Variants in WWOX observed in about 807,000 individuals in gnomAD.
The protein encoded by WWOX is WW domain-containing oxidoreductase.
In WWOX, 69 loss-of-function variants were observed where a neutral mutation model predicts 46.2. The observed-to-expected ratio is 1.49, with a 90% confidence interval of 1.23 to 1.82. WWOX has a LOEUF of 1.82. Among genes scored for constraint, WWOX ranks in the 40% most tolerant of loss-of-function variants. The pLI is 0.00. For missense variants in WWOX, 919 were observed against 542.6 expected, an observed-to-expected ratio of 1.69 and a Z score of -6.89; for synonymous variants, 359 against 202.6, an observed-to-expected ratio of 1.77 and a Z score of -6.56.
intron 5 of WWOX, among the ~76,000 whole-genome samples, chr16:78,316,958 G>T (rs990378553): frequency 6.6e-6 from 1 of 152,176 alleles, no homozygotes; most frequent in Non-Finnish European, 1.5e-5. Flanking sequence ...CATCTAATAA[G>T]ACCTGGACAT....
At chr16:78,739,193 A>G (rs1413160928) in intron 8 of WWOX, among the ~76,000 whole-genome samples, 1 of 151,986 alleles carries the variant, frequency 6.6e-6, no homozygotes, top group Non-Finnish European at 1.5e-5. Context: ...TGGATTCTTA[A>G]GTACCCGGCT....
chr16:79,003,673 G>A (rs1195053127), intron 8 of WWOX, among the ~76,000 whole-genome samples: 3 of 152,250 alleles, frequency 2.0e-5, no homozygotes, highest in East Asian at 3.9e-4. Flanking sequence ...GGGCTCAGCT[G>A]GTCTCAGCTC....
chr16:78,910,440 G>C (rs1348599705), intron 8 of WWOX, among the ~76,000 whole-genome samples: 1 of 151,834 alleles, frequency 6.6e-6, no homozygotes, highest in Non-Finnish European at 1.5e-5. Flanking sequence ...CACTGCAGGA[G>C]AACCTTGTTC....
At chr16:79,085,532 A>G (rs1037394811) in intron 8 of WWOX, among the ~76,000 whole-genome samples, 4 of 152,160 alleles carry the variant, frequency 2.6e-5, no homozygotes, top group South Asian at 2.1e-4. Context: ...AATTTCCTAT[A>G]AAGAAAATTT....
chr16:79,098,607 C>G (rs914573766), intron 8 of WWOX, among the ~76,000 whole-genome samples: 2 of 152,148 alleles, frequency 1.3e-5, no homozygotes, highest in African/African-American at 4.8e-5. Context: ...TTAGCGTTTT[C>G]TTTTGTTAAA....
At chr16:78,467,397 G>C (rs1338421485) in intron 8 of WWOX, among the ~76,000 whole-genome samples, 1 of 151,972 alleles carries the variant, frequency 6.6e-6, no homozygotes, top group Non-Finnish European at 1.5e-5. Context: ...ATATGCTAGA[G>C]GTGAGGAATA....
intron 8 of WWOX, among the ~76,000 whole-genome samples, chr16:78,900,561 G>A (rs550090644): frequency 2.0e-5 from 3 of 152,130 alleles, no homozygotes; most frequent in South Asian, 2.1e-4. Flanking sequence ...TGGATATTTC[G>A]TGGCCTTCAG....
chr16:78,666,000 G>T (rs1421045998), intron 8 of WWOX, among the ~76,000 whole-genome samples: 1 of 151,898 alleles, frequency 6.6e-6, no homozygotes, highest in Non-Finnish European at 1.5e-5. Context: ...ACTGAGATGT[G>T]GGGGCCAGGC....
intron 7 of WWOX, among the ~76,000 whole-genome samples, chr16:78,427,843 G>A (rs539899848): frequency 1.3e-5 from 2 of 152,218 alleles, no homozygotes; most frequent in Admixed American, 1.3e-4. Flanking sequence ...TCTCACGCCT[G>A]TAATCCCAGC....
rs536668236 is a variant in WWOX at position 78,611,522 on chromosome 16, T to C, written c.1056+178770T>C. On this transcript the variant is annotated intron_variant, in intron 8 of 8. Transcript: ENST00000566780. ...CCCTCCTCCTTCCCACAGACACTTA[T>C]GGGAGGTACTGGCCAGCTCTGTATG... 1.7e-3 allele frequency among the ~76,000 whole-genome samples: 255 copies of C among 152,284 alleles called. 1 individual carries two copies. Among genetic ancestry groups the C allele is most frequent in the African/African-American group, 5.6e-3 (233 of 41,566 alleles).
chr16:78,615,296 G>A (rs1236956594), intron 8 of WWOX, among the ~76,000 whole-genome samples: 1 of 152,130 alleles, frequency 6.6e-6, no homozygotes, highest in Non-Finnish European at 1.5e-5. Flanking sequence ...TCCCCTAGGA[G>A]TTGGGCTGCC....
At chr16:78,497,121 G>C (rs1312244773) in intron 8 of WWOX, among the ~76,000 whole-genome samples, 2 of 152,222 alleles carry the variant, frequency 1.3e-5, no homozygotes, top group African/African-American at 4.8e-5. Context: ...AACAACAGAT[G>C]ACCTTCTGTT....
intron 5 of WWOX, among the ~76,000 whole-genome samples, chr16:78,358,511 A>T (rs896882916): frequency 6.6e-6 from 1 of 152,142 alleles, no homozygotes; most frequent in African/African-American, 2.4e-5. Context: ...TACAAAAATT[A>T]GCTGGGTGTG....
At chr16:78,830,247 G>C (rs934079913) in intron 8 of WWOX, among the ~76,000 whole-genome samples, 12 of 152,184 alleles carry the variant, frequency 7.9e-5, no homozygotes, top group Admixed American at 2.0e-4. Context: ...GCATCTGAAT[G>C]ATATTTATAT....
Position 78,149,553 on chromosome 16 carries a change from A to G in WWOX, c.410-14630A>G, listed in dbSNP as rs566432118. On this transcript the variant is annotated intron_variant, in intron 4 of 8. Transcript: ENST00000566780. ...TAATACAGTAGCTGAAGAGACCTCA[A>G]TTCTGTGCCTTGATGGGATTACACC... 4.8e-4 allele frequency among the ~76,000 whole-genome samples: 73 copies of G among 152,346 alleles called. No homozygotes were observed. In the South Asian group the frequency reaches 0.012, roughly 26 times the overall value.
intron 4 of WWOX, among the ~76,000 whole-genome samples, chr16:78,161,661 C>T (rs966991844): frequency 1.3e-5 from 2 of 152,070 alleles, no homozygotes; most frequent in African/African-American, 4.8e-5. Flanking sequence ...TGCTATGTTG[C>T]CCAAGCTGGT....
At chr16:78,555,072 G>C (rs942510392) in intron 8 of WWOX, among the ~76,000 whole-genome samples, 2 of 151,878 alleles carry the variant, frequency 1.3e-5, no homozygotes, top group African/African-American at 4.8e-5. Context: ...GTGGGGGCCA[G>C]GGTGGGTTTG....
intron 8 of WWOX, among the ~76,000 whole-genome samples, chr16:78,629,127 A>C (rs997105696): frequency 6.6e-6 from 1 of 152,154 alleles, no homozygotes; most frequent in Non-Finnish European, 1.5e-5. Flanking sequence ...TAAAATGAAA[A>C]CTTTTCAAAG....
At chr16:78,494,279 C>G (rs1211447567) in intron 8 of WWOX, among the ~76,000 whole-genome samples, 1 of 152,120 alleles carries the variant, frequency 6.6e-6, no homozygotes, top group Non-Finnish European at 1.5e-5. Context: ...CAGATTAGCC[C>G]CCTATGCAGC....
Sources: gnomAD v4.1 joint callset for allele counts (sites outside exome capture counted in the v4.1 genomes callset) on GRCh38, gnomAD v4.1.1 for gene constraint, MANE v1.5 for transcripts, NCBI Gene and HGNC (gene_info 2026-07-23, HGNC 2026-07-21) for gene names.